Variants in MEGF11 observed in about 807,000 individuals in gnomAD.
MEGF11 encodes the protein multiple epidermal growth factor-like domains protein 11.
MEGF11 carries 126 observed loss-of-function variants against 146.6 expected under a neutral mutation model. That is an observed-to-expected ratio of 0.86 (90% CI 0.74 to 1.00). The LOEUF is 1.00. Among genes scored for constraint, MEGF11 ranks in the 50% least tolerant of loss-of-function variants. The pLI is 0.00. For synonymous variants in MEGF11, 532 were observed against 583.4 expected (o/e 0.91, Z 1.27); for missense variants, 1,509 against 1,521.2 (o/e 0.99, Z 0.13).
intron 1 of MEGF11, among the ~76,000 whole-genome samples, chr15:66,236,163 A>G (rs760972786): frequency 2.6e-5 from 4 of 152,090 alleles, no homozygotes; most frequent in Non-Finnish European, 2.9e-5. Flanking sequence ...AAAACAACAT[A>G]TGCAAAGACA....
rs1381804849 is a variant in MEGF11 at position 65,982,272 on chromosome 15, C to T, written c.611G>A (p.Cys204Tyr). The part of the protein sequence containing the change: ...GASCDPRAGE[C>Y]LCAPGYTGVY... ...GCCGGTGTAGCCAGGTGCGCAGAGG[C>T]ACTCGCCGGCGCGGGGGTCGCAGCT... is the stretch of plus-strand genomic sequence containing the variant. Residue 204 changes from cysteine to tyrosine, a missense_variant, in exon 6 of 26, where the codon TGC (cysteine) becomes TAC (tyrosine). Coordinates refer to ENST00000395614, the MANE Select transcript of MEGF11 (RefSeq NM_001385028.1). This position sits in a 1 kb window ranked among gnomAD's most constrained non-coding sequence, Gnocchi z 5.6. 4.5e-6 allele frequency: 7 copies of T among 1,540,930 alleles called. No individual in the cohort carries two copies. The highest frequency in any genetic ancestry group is 6.1e-6 in the Non-Finnish European group (7 of 1,145,510).
intron 1 of MEGF11, among the ~76,000 whole-genome samples, chr15:66,206,884 CAGAG>C: frequency 6.6e-6 from 1 of 152,212 alleles, no homozygotes; most frequent in Non-Finnish European, 1.5e-5. Flanking sequence ...GCTTGGGCAA[CAGAG>C]AGAGACTTAA....
chr15:66,241,245 G>A (rs1483144456), intron 1 of MEGF11, among the ~76,000 whole-genome samples: 1 of 152,216 alleles, frequency 6.6e-6, no homozygotes, highest in Non-Finnish European at 1.5e-5. Context: ...CCCCAAGCTG[G>A]AGGCCCAGGG....
chr15:66,206,379 A>C (rs1272664738), intron 1 of MEGF11, among the ~76,000 whole-genome samples: 1 of 152,230 alleles, frequency 6.6e-6, no homozygotes, highest in Admixed American at 6.5e-5. Context: ...GAGTGCTTAA[A>C]GAAATAATGA....
At chr15:66,078,201 G>A (rs2085675646) in intron 5 of MEGF11, among the ~76,000 whole-genome samples, 1 of 152,200 alleles carries the variant, frequency 6.6e-6, no homozygotes, top group South Asian at 2.1e-4. Flanking sequence ...ATGGGGATGA[G>A]AATAATAAAC....
At chr15:66,051,062 A>G (rs910943294) in intron 5 of MEGF11, among the ~76,000 whole-genome samples, 3 of 152,222 alleles carry the variant, frequency 2.0e-5, no homozygotes, top group Non-Finnish European at 4.4e-5. Flanking sequence ...CCCAAAGGAC[A>G]ATCATTACAA....
chr15:65,969,526 C>A (rs62016262), intron 8 of MEGF11, among the ~76,000 whole-genome samples: 53 of 152,296 alleles, frequency 3.5e-4, no homozygotes, highest in African/African-American at 1.3e-3. Flanking sequence ...AGACTTCCAG[C>A]TGGAGGTAAA....
At chr15:66,227,479 T>A (rs1567291304) in intron 1 of MEGF11, among the ~76,000 whole-genome samples, 1 of 152,204 alleles carries the variant, frequency 6.6e-6, no homozygotes, top group Non-Finnish European at 1.5e-5. Context: ...GCACTTTAAA[T>A]GATTTGTATA....
rs575713641 is a variant in MEGF11 at position 66,079,170 on chromosome 15, C to T, written c.394+15232G>A. The stretch of plus-strand genomic sequence containing the variant: ...GGAGAGCAGTGGCCCCACACCGCCT[C>T]CTGCCCCATGGCCTGCCTGCCTTCC... On this transcript the variant is annotated intron_variant, in intron 5 of 25. Transcript: ENST00000395614. Among the ~76,000 whole-genome samples, 4 of 152,290 alleles carry T rather than the reference C, an allele frequency of 2.6e-5. No individual in the cohort carries two copies. The South Asian group carries it at 8.3e-4, about 32-fold the overall frequency.
chr15:65,925,968 A>G (rs1210834922), intron 13 of MEGF11, among the ~76,000 whole-genome samples: 1 of 152,210 alleles, frequency 6.6e-6, no homozygotes, highest in Non-Finnish European at 1.5e-5. Context: ...AGCAATTTGA[A>G]GACAGGTACC....
chr15:65,951,584 G>T (rs371316113), intron 10 of MEGF11, among the ~76,000 whole-genome samples: 1 of 152,182 alleles, frequency 6.6e-6, no homozygotes, highest in African/African-American at 2.4e-5. Context: ...CTACTCAGGA[G>T]GCTGAGGCAA....
intron 1 of MEGF11, among the ~76,000 whole-genome samples, chr15:66,196,340 C>T (rs1424780249): frequency 6.6e-6 from 1 of 151,074 alleles, no homozygotes; most frequent in East Asian, 1.9e-4. Context: ...GGCATGGTGT[C>T]GGGCGCCTGT....
At chr15:65,909,932 T>C (rs1330424229) in intron 21 of MEGF11, 126 bp from the exon 22 acceptor site, 1 of 825,542 alleles carries the variant, frequency 1.2e-6, no homozygotes, top group South Asian at 1.4e-5. Flanking sequence ...CCTAGGCCGT[T>C]GAGAGAAAGG....
chr15:65,906,268 A>C (rs1190547122), intron 23 of MEGF11, 127 bp from the exon 24 acceptor site: 1 of 649,444 alleles, frequency 1.5e-6, no homozygotes, highest in African/African-American at 1.9e-5. Flanking sequence ...ATAGTTGTTT[A>C]TTGCTAGAAA....
intron 1 of MEGF11, among the ~76,000 whole-genome samples, chr15:66,150,991 AG>A (rs1191757759): frequency 6.6e-6 from 1 of 152,166 alleles, no homozygotes; most frequent in African/African-American, 2.4e-5. Context: ...GAAGGTGAGA[AG>A]GATTCAAGGG....
chr15:66,076,409 A>C (rs1448302479), intron 5 of MEGF11, among the ~76,000 whole-genome samples: 2 of 152,076 alleles, frequency 1.3e-5, no homozygotes, highest in African/African-American at 4.8e-5. Context: ...AATTGGGCTG[A>C]ATTATTCTGG....
chr15:66,066,960 G>A (rs536589274), intron 5 of MEGF11, among the ~76,000 whole-genome samples: 34 of 152,340 alleles, frequency 2.2e-4, no homozygotes, highest in Non-Finnish European at 3.5e-4. Context: ...AGGGTGGAGC[G>A]TGGTCACAGG....
chr15:66,020,978 C>A (rs2083095112), intron 5 of MEGF11, among the ~76,000 whole-genome samples: 1 of 122,116 alleles, frequency 8.2e-6, no homozygotes. Context: ...GGCGACAGAG[C>A]GAAACTCCAT....
chr15:66,050,347 A>G (rs1353213737), intron 5 of MEGF11, among the ~76,000 whole-genome samples: 1 of 151,484 alleles, frequency 6.6e-6, no homozygotes, highest in Non-Finnish European at 1.5e-5. Flanking sequence ...GGGCTGGGGT[A>G]GAGACCTACA....
Sources: allele counts gnomAD v4.1 joint callset (sites outside exome capture counted in the v4.1 genomes callset), GRCh38; gene constraint gnomAD v4.1.1; non-coding constraint Gnocchi (gnomAD v3.1); transcripts MANE v1.5; gene names NCBI Gene and HGNC (gene_info 2026-07-23, HGNC 2026-07-21).